ATRN: variants seen among roughly 807,000 people sequenced by gnomAD.
ATRN encodes the protein attractin.
ATRN carries 54 observed loss-of-function variants against 178.7 expected under a neutral mutation model. The ratio of observed to expected loss-of-function variants is 0.30; its 90% CI spans 0.24 to 0.38. The LOEUF (loss-of-function observed/expected upper bound fraction) is 0.38. ATRN is among the 10% of genes least tolerant of loss of function. ATRN has a pLI of 1.00. For synonymous variants in ATRN, 636 were observed against 663.0 expected (o/e 0.96, Z 0.63); for missense variants, 1,443 against 1,815.1 (o/e 0.79, Z 3.73).
Position 3,572,768 on chromosome 20 carries a change from C to T in ATRN, c.1909C>T (p.Leu637Phe), listed in dbSNP as rs1568737741. 1 of 1,614,030 alleles carries T rather than the reference C, an allele frequency of 6.2e-7. No individual in the cohort carries two copies. The highest frequency in any genetic ancestry group is 8.5e-7 in the Non-Finnish European group (1 of 1,180,014). ...GTTCGGTGGTTTCAATAGTCTCCTC[C>T]TCAGCGACATCCTGGTATTCACCTC... ...YVFGGFNSLL[L>F]SDILVFTSEQ... The change falls in exon 12 of 29, where the codon CTC becomes TTC. Residue 637 changes from leucine to phenylalanine, a missense_variant. Leu to Phe is a conservative substitution (Grantham distance 22). Transcript: ENST00000262919.
At chr20:3,546,935 C>T (rs6037618) in intron 4 of ATRN, among the ~76,000 whole-genome samples, 37,795 of 152,082 alleles carry the variant, frequency 0.25, 5,145 homozygotes, top group African/African-American at 0.29. Flanking sequence ...CTGTAAAGCT[C>T]ATCATTAGGA....
chr20:3,481,468 G>T (rs979885278), intron 1 of ATRN, among the ~76,000 whole-genome samples: 1 of 152,010 alleles, frequency 6.6e-6, no homozygotes, highest in Non-Finnish European at 1.5e-5. Flanking sequence ...CCACCTCAGC[G>T]TCCTGAGTAG....
Position 3,582,209 on chromosome 20 carries a change from C to T in ATRN, c.2619C>T (p.Ser873=). The T allele has an allele frequency of 1.2e-6, 2 of 1,614,106 alleles. No individual in the cohort carries two copies. Among genetic ancestry groups the T allele is most frequent in the Non-Finnish European group, 1.7e-6 (2 of 1,180,038 alleles). Residue 873 remains serine, a synonymous_variant, in exon 16 of 29, where the codon TCC becomes TCT. Coordinates refer to ENST00000262919, the MANE Select transcript of ATRN (RefSeq NM_139321.3). Reference sequence around the variant, plus strand: ...CCTACTGGTGCTGGGAAGATATGTCCCCATTTACAAATAGTTTACTACAGT... The same window carrying T: ...CCTACTGGTGCTGGGAAGATATGTCTCCATTTACAAATAGTTTACTACAGT... ...NVSYWCWEDM[S]PFTNSLLQWM...
At chr20:3,519,233 C>T (rs1219368491) in intron 1 of ATRN, among the ~76,000 whole-genome samples, 1 of 152,006 alleles carries the variant, frequency 6.6e-6, no homozygotes, top group African/African-American at 2.4e-5. Flanking sequence ...TTAACCTGTG[C>T]TTGAGGCTGA....
intron 1 of ATRN, among the ~76,000 whole-genome samples, chr20:3,526,904 C>T (rs1445069657): frequency 6.6e-6 from 1 of 152,146 alleles, no homozygotes; most frequent in East Asian, 1.9e-4. Context: ...TGGACCCCTT[C>T]CTTATACCTT....
intron 1 of ATRN, among the ~76,000 whole-genome samples, chr20:3,533,938 A>G (rs1365495663): frequency 6.6e-6 from 1 of 152,212 alleles, no homozygotes; most frequent in African/African-American, 2.4e-5. Context: ...ATTTCAGGCA[A>G]GAGCCACCAT....
rs2087098722 is a variant in ATRN at position 3,645,258 on chromosome 20, T to G, written c.4165+990T>G. Among the ~76,000 whole-genome samples the G allele has an allele frequency of 1.3e-5, 2 of 152,202 alleles. No homozygotes were observed. Among genetic ancestry groups the G allele is most frequent in the African/African-American group, 4.8e-5 (2 of 41,442 alleles). On this transcript the variant is annotated intron_variant, in intron 28 of 28. Transcript: ENST00000262919. The surrounding 1 kb of genome is among the most constrained non-coding windows in gnomAD (Gnocchi z 4.7). ...GCTCCACTGTCCCTTCAGTGCACCC[T>G]CAGACCCAGAAGATCCTCCAGCCCA...
intron 11 of ATRN, among the ~76,000 whole-genome samples, chr20:3,566,840 G>T (rs1207243186): frequency 7.6e-6 from 1 of 132,230 alleles, no homozygotes; most frequent in Non-Finnish European, 1.5e-5. Context: ...CCAGGAGGCG[G>T]AAATTGCAGT....
At chr20:3,635,768 C>T (rs1183900214) in intron 26 of ATRN, among the ~76,000 whole-genome samples, 1 of 151,938 alleles carries the variant, frequency 6.6e-6, no homozygotes, top group Non-Finnish European at 1.5e-5. Context: ...TTCTGACCCA[C>T]ATAAAGATGA....
At chr20:3,520,518 A>G (rs1043869179) in intron 1 of ATRN, among the ~76,000 whole-genome samples, 1 of 152,144 alleles carries the variant, frequency 6.6e-6, no homozygotes, top group African/African-American at 2.4e-5. Context: ...TTTTTGAGAC[A>G]GAATCTTGCT....
At chr20:3,517,935 T>G (rs1413107336) in intron 1 of ATRN, among the ~76,000 whole-genome samples, 2 of 152,190 alleles carry the variant, frequency 1.3e-5, no homozygotes, top group African/African-American at 4.8e-5. Context: ...GTGGCCTCTT[T>G]GCACATAGAA....
intron 7 of ATRN, among the ~76,000 whole-genome samples, chr20:3,560,119 A>C (rs1356137618): frequency 2.6e-5 from 4 of 151,946 alleles, no homozygotes; most frequent in Admixed American, 6.6e-5. Context: ...TAATAAATAT[A>C]TTTACATTCT....
In ATRN at chr20:3,572,779, C is replaced by A; in HGVS notation, c.1920C>A (p.Ile640=). The change falls in exon 12 of 29, where the codon ATC becomes ATA. Residue 640 remains isoleucine (I), a synonymous_variant. Coordinates refer to ENST00000262919, the MANE Select transcript of ATRN (RefSeq NM_139321.3). ...GGFNSLLLSD[I]LVFTSEQCDA... is the part of the protein sequence containing the mutation. ...TCAATAGTCTCCTCCTCAGCGACAT[C>A]CTGGTATTCACCTCGGAACAGTGTG... 1 of 1,613,994 alleles carries A rather than the reference C, an allele frequency of 6.2e-7. No homozygotes were observed. The highest frequency in any genetic ancestry group is 8.5e-7 in the Non-Finnish European group (1 of 1,180,010).
chr20:3,627,815 A>G (rs2086954601), intron 25 of ATRN, among the ~76,000 whole-genome samples: 1 of 152,216 alleles, frequency 6.6e-6, no homozygotes, highest in Non-Finnish European at 1.5e-5. Flanking sequence ...CCATTTTTAA[A>G]ACAACACTAA....
chr20:3,571,561 CTT>C (rs5839999), intron 11 of ATRN, among the ~76,000 whole-genome samples: 4,752 of 142,576 alleles, frequency 0.033, 106 homozygotes, highest in Non-Finnish European at 0.044. Context: ...ATTTTTTGTG[CTT>C]TTTTTTTTTT....
intron 6 of ATRN, among the ~76,000 whole-genome samples, chr20:3,556,075 C>A (rs1170266661): frequency 6.6e-6 from 1 of 151,904 alleles, no homozygotes; most frequent in African/African-American, 2.4e-5. Context: ...TTAGATACAG[C>A]AAAAATTAGA....
intron 1 of ATRN, among the ~76,000 whole-genome samples, chr20:3,473,665 G>A (rs2084466825): frequency 6.6e-6 from 1 of 152,214 alleles, no homozygotes; most frequent in South Asian, 2.1e-4. Context: ...CAGGTGAATG[G>A]ATGGTTGAGT....
intron 28 of ATRN, 107 bp from the exon 29 acceptor site, chr20:3,646,612 GGTTT>G (rs779996076): frequency 2.9e-6 from 4 of 1,388,286 alleles, no homozygotes; most frequent in Non-Finnish European, 3.8e-6. Flanking sequence ...CTGGTTTTTT[GGTTT>G]GTTTGTTTTG....
intron 1 of ATRN, among the ~76,000 whole-genome samples, chr20:3,514,619 G>T (rs1189385917): frequency 6.6e-6 from 1 of 152,156 alleles, no homozygotes. Context: ...TTAAAAAATA[G>T]AATTCAATAC....
Sources: gnomAD v4.1 joint callset for allele counts (sites outside exome capture counted in the v4.1 genomes callset) on GRCh38, gnomAD v4.1.1 for gene constraint, Gnocchi (gnomAD v3.1) non-coding constraint, MANE v1.5 for transcripts, NCBI Gene and HGNC (gene_info 2026-07-23, HGNC 2026-07-21) for gene names.